Variants in LRP8 observed in about 807,000 individuals in gnomAD.
The protein encoded by LRP8 is LDL receptor related protein 8.
Under a neutral mutation model 111.6 loss-of-function variants are expected in LRP8, and 46 were observed. The observed-to-expected ratio is 0.41, with a 90% CI of 0.33 to 0.53. LRP8 has a LOEUF of 0.53. Ranked by LOEUF, LRP8 falls within the 20% of genes least tolerant of loss-of-function variation. The pLI, the probability that LRP8 is intolerant of heterozygous loss-of-function variation, is 0.20. For synonymous variants in LRP8, 464 were observed against 511.2 expected (o/e 0.91, Z 1.24); for missense variants, 959 against 1,297.4 (o/e 0.74, Z 4.01).
intron 8 of LRP8, chr1:53,267,621 A>C (rs1284808040): frequency 1.3e-5 from 2 of 152,270 alleles, no homozygotes; most frequent in Admixed American, 6.5e-5. Flanking sequence ...TGGGACATAT[A>C]TGATATACAA....
intron 2 of LRP8, among the ~76,000 whole-genome samples, chr1:53,326,356 TGGCCG>T (rs1655123318): frequency 6.6e-6 from 1 of 152,194 alleles, no homozygotes; most frequent in Non-Finnish European, 1.5e-5. Flanking sequence ...GCTCCGCGAT[TGGCCG>T]CTCCGGCCAC....
At position 53,243,881 on chromosome 1, in the gene LRP8, A is replaced by T. The variant is rs1645682687; in HGVS notation, c.*3137T>A. The T allele has an allele frequency of 1.3e-5, 2 of 152,274 alleles. No individual in the cohort carries two copies. Among genetic ancestry groups the T allele is most frequent in the South Asian group, 4.1e-4 (2 of 4,828 alleles). 9.4% of individuals were successfully genotyped at this position (152,274 alleles called of 1,614,324 possible). A position where few individuals can be genotyped will look rare whatever the true frequency, so the allele number is the denominator to read the frequency against. ...TGCCTTTTTTGTTTCCACATATATCATCCTCCACTGCTACTGTGAACTCTG... is the reference window on the plus strand; with the variant it reads ...TGCCTTTTTTGTTTCCACATATATCTTCCTCCACTGCTACTGTGAACTCTG... On this transcript the variant is annotated 3_prime_UTR_variant, in exon 19 of 19. Transcript: ENST00000306052.
rs112557446 is a variant in LRP8 at position 53,294,976 on chromosome 1, G to A, written c.245-5287C>T. 1.6e-4 allele frequency among the ~76,000 whole-genome samples: 24 copies of A among 152,330 alleles called. No homozygotes were observed. Among genetic ancestry groups the A allele is most frequent in the African/African-American group, 4.8e-4 (20 of 41,576 alleles). On this transcript the variant is annotated intron_variant, in intron 2 of 18. Transcript: ENST00000306052. This position sits in a 1 kb window ranked among gnomAD's most constrained non-coding sequence, Gnocchi z 4.1. ...CTCTTGGCAATCCGAATGTCCTGCC[G>A]TGTTGGACTCCAGGGTCTTGAGGCC...
chr1:53,322,855 G>A (rs1277237636), intron 2 of LRP8, among the ~76,000 whole-genome samples: 1 of 152,166 alleles, frequency 6.6e-6, no homozygotes, highest in Non-Finnish European at 1.5e-5. Context: ...CTGTTTCCCA[G>A]CAAGACTCAG....
Position 53,262,177 on chromosome 1 carries a change from TCTACCCAGTACAAGCG to T in LRP8, c.1789_1804del (p.Arg597ThrfsTer20). 1 of 1,613,708 alleles carries T rather than the reference TCTACCCAGTACAAGCG, an allele frequency of 6.2e-7. No individual in the cohort carries two copies. On this transcript the variant is annotated frameshift_variant, in exon 12 of 19. Coordinates refer to ENST00000306052, the MANE Select transcript of LRP8 (RefSeq NM_004631.5). LOFTEE classifies it high-confidence loss of function. The surrounding 1 kb of genome is among the most constrained non-coding windows in gnomAD (Gnocchi z 4.8). ...GCTGGACAGTTGGTGTAGCTTGGAG[TCTACCCAGTACAAGCG>T]CTGGCTCAGCAGATCTTGGGAAGGA...
At position 53,250,735 on chromosome 1, in the gene LRP8, C is replaced by G. The variant is rs1645870124; in HGVS notation, c.2631G>C (p.Glu877Asp). ...RKTTEEEDED[E>D]LHIGRTAQIG... is the part of the protein sequence containing the mutation. ...TCTGAGCAGTTCTCCCTATATGGAG[C>G]TCATCTTCGTCTTCTTCTTCTGTTG... Residue 877 changes from glutamate to aspartate, a missense_variant, in exon 17 of 19, where the codon GAG (glutamate) becomes GAC (aspartate). Physicochemically the swap from Glu to Asp is conservative, Grantham distance 45. Transcript: ENST00000306052. The surrounding 1 kb of genome is among the most constrained non-coding windows in gnomAD (Gnocchi z 4.6). 6.2e-7 allele frequency: 1 copy of G among 1,613,810 alleles called. No homozygotes were observed. Among genetic ancestry groups the G allele is most frequent in the Non-Finnish European group, 8.5e-7 (1 of 1,179,858 alleles).
At chr1:53,278,077 C>A (rs989923401) in intron 4 of LRP8, among the ~76,000 whole-genome samples, 1 of 152,210 alleles carries the variant, frequency 6.6e-6, no homozygotes, top group African/African-American at 2.4e-5. Context: ...GGCCAGCCAG[C>A]CCTATTGCCA....
intron 6 of LRP8, among the ~76,000 whole-genome samples, chr1:53,272,067 CT>C (rs934439332): frequency 1.3e-5 from 2 of 151,920 alleles, no homozygotes; most frequent in Non-Finnish European, 2.9e-5. Flanking sequence ...GATGCCCCCC[CT>C]AATGTGCTTG....
chr1:53,281,193 A>G (rs1572530264), intron 3 of LRP8, among the ~76,000 whole-genome samples: 1 of 152,252 alleles, frequency 6.6e-6, no homozygotes, highest in East Asian at 1.9e-4. Context: ...CAAGGCCCCA[A>G]CGGCTCCAAT....
In LRP8 at chr1:53,243,341, C is replaced by T. The variant is rs1297192157; in HGVS notation, c.*3677G>A. 3 of 152,180 alleles carry T rather than the reference C, an allele frequency of 2.0e-5. No individual in the cohort carries two copies. The highest frequency in any genetic ancestry group is 7.2e-5 in the African/African-American group (3 of 41,442). The allele number at this position is 152,180 out of a possible 1,614,324, so 9.4% of individuals were successfully genotyped here. On this transcript the variant is annotated 3_prime_UTR_variant, in exon 19 of 19. Transcript: ENST00000306052. ...AAGAGGCTCTCGACAACATGGCATG[C>T]ATCTGTGAAAATCCCACTGCCCTTA...
rs369974009 is a variant in LRP8, at chr1:53,242,643, G to T, written c.*4375C>A. 6.6e-6 allele frequency: 1 copy of T among 152,048 alleles called. No homozygotes were observed. Among genetic ancestry groups the T allele is most frequent in the Non-Finnish European group, 1.5e-5 (1 of 68,026 alleles). 9.4% of individuals were successfully genotyped at this position (152,048 alleles called of 1,614,324 possible). A position where few individuals can be genotyped will look rare whatever the true frequency, so the allele number is the denominator to read the frequency against. Reference sequence around the variant, plus strand: ...TTACATCAAATATGGTAACTTTGGGGTTGGTAGGGGGAGACAAACAAGGAG... The same window carrying T: ...TTACATCAAATATGGTAACTTTGGGTTTGGTAGGGGGAGACAAACAAGGAG... On this transcript the variant is annotated 3_prime_UTR_variant, in exon 19 of 19. Coordinates refer to ENST00000306052, the MANE Select transcript of LRP8 (RefSeq NM_004631.5).
chr1:53,266,453 C>T lies in LRP8; in HGVS notation c.1427+20G>A. 6.2e-7 allele frequency: 1 copy of T among 1,610,960 alleles called. No individual in the cohort carries two copies. The highest frequency in any genetic ancestry group is 8.5e-7 in the Non-Finnish European group (1 of 1,177,438). On this transcript the variant is annotated intron_variant, in intron 9 of 18. Transcript: ENST00000306052. This position sits in a 1 kb window ranked among gnomAD's most constrained non-coding sequence, Gnocchi z 5.0. ...CACCCCCACTCTTCATGCCTTGCTG[C>T]AGAGGATATGGCCGCTCACCTATAG...
intron 2 of LRP8, among the ~76,000 whole-genome samples, chr1:53,312,650 T>C (rs1214089451): frequency 6.6e-6 from 1 of 152,098 alleles, no homozygotes; most frequent in East Asian, 1.9e-4. Context: ...TGAGCCACTG[T>C]GCCTGGCCTT....
Position 53,250,116 on chromosome 1 carries a change from ATACCACTG to A in LRP8, c.2676+566_2677-561del, listed in dbSNP as rs1645847549. On this transcript the variant is annotated intron_variant, in intron 17 of 18. Coordinates refer to ENST00000306052, the MANE Select transcript of LRP8 (RefSeq NM_004631.5). The surrounding 1 kb of genome is among the most constrained non-coding windows in gnomAD (Gnocchi z 4.6). ...CCACCACGGCATTCAGCACACAATT[ATACCACTG>A]TATGTTAGTATCTCTAACTCCCTAC... is the stretch of plus-strand genomic sequence containing the variant. Among the ~76,000 whole-genome samples the A allele has an allele frequency of 6.6e-6, 1 of 152,208 alleles. No individual in the cohort carries two copies. Among genetic ancestry groups the A allele is most frequent in the Non-Finnish European group, 1.5e-5 (1 of 68,034 alleles).
At position 53,246,787 on chromosome 1, in the gene LRP8, A is replaced by G; in HGVS notation, c.*231T>C. 2 of 514,862 alleles carry G rather than the reference A, an allele frequency of 3.9e-6. No individual in the cohort carries two copies. The highest frequency in any genetic ancestry group is 6.8e-6 in the Non-Finnish European group (2 of 296,038). 31.9% of individuals were successfully genotyped at this position (514,862 alleles called of 1,614,324 possible). On this transcript the variant is annotated 3_prime_UTR_variant, in exon 19 of 19. Transcript: ENST00000306052. ...TTCCTCATGGGTAGTGCAACCAGTT[A>G]AAAAGTGTATAAAACATTATACATA...
In LRP8 at chr1:53,264,376, C is replaced by G; in HGVS notation, c.1448G>C (p.Ser483Thr). Residue 483 changes from serine (S) to threonine (T), a missense_variant, in exon 10 of 19, where the codon AGT becomes ACT. By Grantham distance (58) the Ser-to-Thr change is moderately conservative (BLOSUM62 1). Transcript: ENST00000306052. ...KIYSAYMDKA[S>T]DPKEQEVLID... ...GAGGACCTCCTGCTCTTTCGGGTCACTGGCCTTGTCCATGTAGGCGCTTAA... is the reference window on the plus strand; with the variant it reads ...GAGGACCTCCTGCTCTTTCGGGTCAGTGGCCTTGTCCATGTAGGCGCTTAA... 6.2e-7 allele frequency: 1 copy of G among 1,613,918 alleles called. No individual in the cohort carries two copies. Among genetic ancestry groups the G allele is most frequent in the Non-Finnish European group, 8.5e-7 (1 of 1,179,894 alleles).
intron 2 of LRP8, among the ~76,000 whole-genome samples, chr1:53,301,627 A>G (rs1469366334): frequency 2.6e-5 from 4 of 151,788 alleles, no homozygotes; most frequent in Non-Finnish European, 2.9e-5. Flanking sequence ...GCTACTTGGG[A>G]GGCTGGGGTG....
chr1:53,325,539 T>G (rs1655022615), intron 2 of LRP8, among the ~76,000 whole-genome samples: 1 of 152,232 alleles, frequency 6.6e-6, no homozygotes, highest in African/African-American at 2.4e-5. Flanking sequence ...GTGAGGAAAC[T>G]GAGGCAGGAG....
intron 4 of LRP8, among the ~76,000 whole-genome samples, chr1:53,278,934 T>C (rs1266746154): frequency 6.8e-6 from 1 of 146,414 alleles, no homozygotes; most frequent in Non-Finnish European, 1.5e-5. Flanking sequence ...TTTTTTTTTG[T>C]ATTTTTAGTA....
Sources: gnomAD v4.1 joint callset for allele counts (sites outside exome capture counted in the v4.1 genomes callset) on GRCh38, gnomAD v4.1.1 for gene constraint, Gnocchi (gnomAD v3.1) non-coding constraint, MANE v1.5 for transcripts, NCBI Gene and HGNC (gene_info 2026-07-23, HGNC 2026-07-21) for gene names.